The following NFYA variants were observed in gnomAD, a reference collection of about 807,000 sequenced individuals.
The protein encoded by NFYA is nuclear transcription factor Y subunit alpha.
A neutral mutation model predicts 52.8 loss-of-function variants in NFYA; 28 were observed. The ratio of observed to expected loss-of-function variants is 0.53; its 90% CI spans 0.39 to 0.73. NFYA has a LOEUF of 0.73. NFYA is among the 30% of genes least tolerant of loss of function. The pLI is 0.00. For synonymous variants in NFYA, 150 were observed against 150.7 expected, an observed-to-expected ratio of 1.00 and a Z score of 0.03; for missense variants, 234 against 427.0, an observed-to-expected ratio of 0.55 and a Z score of 3.98.
At chr6:41,090,384 A>C in intron 6 of NFYA, 75 bp downstream of exon 6, 3 of 834,732 alleles carry the variant, frequency 3.6e-6, no homozygotes, top group South Asian at 2.9e-5. Flanking sequence ...ACATCTTTAG[A>C]ATTTGAGTGG....
intron 4 of NFYA, among the ~76,000 whole-genome samples, chr6:41,086,398 T>A (rs1000511812): frequency 6.6e-6 from 1 of 152,152 alleles, no homozygotes; most frequent in African/African-American, 2.4e-5. Context: ...TTTCCCTGCT[T>A]CCAAGTAGGG....
At chr6:41,075,444 G>A (rs1470551123) in intron 1 of NFYA, 1 of 151,520 alleles carries the variant, frequency 6.6e-6, no homozygotes, top group Non-Finnish European at 1.5e-5. Flanking sequence ...TTTCTAAAAG[G>A]CATTATAATC....
rs1360474276 is a variant in NFYA, at chr6:41,085,833, T to A, written c.309+1641T>A. 4.6e-5 allele frequency among the ~76,000 whole-genome samples: 7 copies of A among 152,190 alleles called. No homozygotes were observed. In the East Asian group the frequency reaches 1.4e-3, roughly 29 times the overall value. ...TAATTTATAAAATATAGTTAAGGAT[T>A]TTGGTTTTCATTTGCCTTTGTAGGT... is the stretch of plus-strand genomic sequence containing the variant. On this transcript the variant is annotated intron_variant, in intron 4 of 9. Coordinates refer to ENST00000341376, the MANE Select transcript of NFYA (RefSeq NM_002505.5).
At chr6:41,087,456 G>A (rs1764078860) in intron 4 of NFYA, among the ~76,000 whole-genome samples, 1 of 152,156 alleles carries the variant, frequency 6.6e-6, no homozygotes, top group South Asian at 2.1e-4. Context: ...GTGGTCCCAA[G>A]TTGAAATTAT....
chr6:41,085,105 A>G (rs1764008745), intron 4 of NFYA, among the ~76,000 whole-genome samples: 1 of 152,236 alleles, frequency 6.6e-6, no homozygotes, highest in Non-Finnish European at 1.5e-5. Flanking sequence ...GATGTGGAGA[A>G]AAAGAATTAA....
chr6:41,076,884 G>T (rs1400088436), intron 1 of NFYA, among the ~76,000 whole-genome samples: 1 of 152,168 alleles, frequency 6.6e-6, no homozygotes, highest in Non-Finnish European at 1.5e-5. Flanking sequence ...ACCATTAACA[G>T]TATCAATATC....
intron 1 of NFYA, among the ~76,000 whole-genome samples, chr6:41,075,098 AT>A (rs768671517): frequency 2.0e-5 from 3 of 152,156 alleles, no homozygotes; most frequent in Non-Finnish European, 2.9e-5. Flanking sequence ...GATTTTCTTA[AT>A]TCATTTGATT....
rs768682772 is a variant in NFYA at position 41,079,183 on chromosome 6, T to A, written c.75+19T>A. 30 of 1,612,630 alleles carry A rather than the reference T, an allele frequency of 1.9e-5. No individual in the cohort carries two copies. The highest frequency in any genetic ancestry group is 2.4e-5 in the Non-Finnish European group (28 of 1,178,726). The stretch of plus-strand genomic sequence containing the variant: ...GCAGCAGGTATGGAAGCAAAACTGC[T>A]TTAAACATTACAGCAATGAAACTGA... On this transcript the variant is annotated intron_variant, in intron 2 of 9. Coordinates refer to ENST00000341376, the MANE Select transcript of NFYA (RefSeq NM_002505.5).
intron 7 of NFYA, 52 bp from the exon 8 acceptor site, chr6:41,092,860 T>G: frequency 3.2e-6 from 5 of 1,548,648 alleles, no homozygotes; most frequent in Non-Finnish European, 4.4e-6. Context: ...AGAAACTGTT[T>G]CTATGTCCAT....
intron 1 of NFYA, among the ~76,000 whole-genome samples, chr6:41,078,034 A>G (rs1025812985): frequency 6.6e-6 from 1 of 152,210 alleles, no homozygotes. Flanking sequence ...AGAATTTTCA[A>G]GTGTGCAGTG....
rs1764500474 is a variant in NFYA at position 41,101,470 on chromosome 6, G to A, written c.*4060G>A. ...GGACCACGCCCCGGGCTTTGAACCCGTTTTTCCCAACCCCGAGCATTTTCT... is the reference window on the plus strand; with the variant it reads ...GGACCACGCCCCGGGCTTTGAACCCATTTTTCCCAACCCCGAGCATTTTCT... On this transcript the variant is annotated 3_prime_UTR_variant, in exon 10 of 10. Transcript: ENST00000341376. 6.6e-6 allele frequency among the ~76,000 whole-genome samples: 1 copy of A among 152,112 alleles called. No homozygotes were observed. Among genetic ancestry groups the A allele is most frequent in the Non-Finnish European group, 1.5e-5 (1 of 68,024 alleles).
chr6:41,085,774 A>G (rs960064759), intron 4 of NFYA, among the ~76,000 whole-genome samples: 2 of 151,212 alleles, frequency 1.3e-5, no homozygotes, highest in Admixed American at 6.6e-5. Flanking sequence ...TAATTCTTTC[A>G]TAATGTTCAG....
intron 4 of NFYA, among the ~76,000 whole-genome samples, chr6:41,084,989 T>C (rs114692198): frequency 0.022 from 3,274 of 152,178 alleles, 52 homozygotes; most frequent in Non-Finnish European, 0.033. Flanking sequence ...AACAGAAATA[T>C]GTAGAAATGT....
At position 41,089,704 on chromosome 6, in the gene NFYA, G is replaced by C. The variant is rs778810801; in HGVS notation, c.435G>C (p.Gln145His). 6.2e-7 allele frequency: 1 copy of C among 1,611,546 alleles called. No homozygotes were observed. The highest frequency in any genetic ancestry group is 8.5e-7 in the Non-Finnish European group (1 of 1,179,508). ...QQPQTAVTAGQTQTQQQIAVQ... is the reference protein window; with the variant it reads ...QQPQTAVTAGHTQTQQQIAVQ... ...CCCAGACGGCTGTCACTGCTGGCCA[G>C]ACTCAGGTAATTCCACTAGCTCTGT... The change falls in exon 5 of 10, where the codon CAG becomes CAC. Residue 145 changes from glutamine (Q) to histidine (H), a missense_variant. Physicochemically the swap from Gln to His is conservative, Grantham distance 24. Transcript: ENST00000341376.
In NFYA at chr6:41,100,122, C is replaced by T. The variant is rs1161071101; in HGVS notation, c.*2712C>T. 6.6e-6 allele frequency: 1 copy of T among 152,142 alleles called. No homozygotes were observed. Among genetic ancestry groups the T allele is most frequent in the Non-Finnish European group, 1.5e-5 (1 of 68,034 alleles). The allele number at this position is 152,142 out of a possible 1,614,324, so 9.4% of individuals were successfully genotyped here. Reference sequence around the variant, plus strand: ...AACTTGTAATGTCTGAGCCTCTTAGCTTTATCTCCCCTTAATTTCTTCCCT... The same window carrying T: ...AACTTGTAATGTCTGAGCCTCTTAGTTTTATCTCCCCTTAATTTCTTCCCT... On this transcript the variant is annotated 3_prime_UTR_variant, in exon 10 of 10. Coordinates refer to ENST00000341376, the MANE Select transcript of NFYA (RefSeq NM_002505.5).
rs1229246651 is a variant in NFYA at position 41,100,713 on chromosome 6, C to G, written c.*3303C>G. On this transcript the variant is annotated 3_prime_UTR_variant, in exon 10 of 10. Transcript: ENST00000341376. Reference sequence around the variant, plus strand: ...CTACTCTGTGGTATGAGGGAAAGACCTCTCGATATTTATCTCACACCAACG... The same window carrying G: ...CTACTCTGTGGTATGAGGGAAAGACGTCTCGATATTTATCTCACACCAACG... 1.3e-5 allele frequency among the ~76,000 whole-genome samples: 2 copies of G among 152,212 alleles called. No individual in the cohort carries two copies. The highest frequency in any genetic ancestry group is 2.1e-4 in the South Asian group (1 of 4,824).
chr6:41,088,198 C>T (rs999729064), intron 4 of NFYA, among the ~76,000 whole-genome samples: 46 of 152,004 alleles, frequency 3.0e-4, no homozygotes, highest in Non-Finnish European at 5.1e-4. Flanking sequence ...GCGGGTGGAT[C>T]ACAAGGTCAG....
At chr6:41,080,691 G>A (rs746703305) in intron 2 of NFYA, 120 bp from the exon 3 acceptor site, 19 of 747,348 alleles carry the variant, frequency 2.5e-5, no homozygotes, top group Non-Finnish European at 3.7e-5. Context: ...TAGGGAGTCT[G>A]TACATTTTGA....
At chr6:41,073,346 G>A (rs1256751748) in intron 1 of NFYA, among the ~76,000 whole-genome samples, 1 of 151,826 alleles carries the variant, frequency 6.6e-6, no homozygotes, top group Non-Finnish European at 1.5e-5. Context: ...ACCCTCGCAG[G>A]GTGCCAGGGC....
Sources: allele counts gnomAD v4.1 joint callset (sites outside exome capture counted in the v4.1 genomes callset), GRCh38; gene constraint gnomAD v4.1.1; transcripts MANE v1.5; gene names NCBI Gene and HGNC (gene_info 2026-07-23, HGNC 2026-07-21).